Variants in SPATA13 observed in about 807,000 individuals in gnomAD.
SPATA13 encodes the protein spermatogenesis-associated protein 13.
SPATA13 carries 50 observed loss-of-function variants against 104.0 expected under a neutral mutation model. That is an observed-to-expected ratio of 0.48 (90% confidence interval 0.38 to 0.61). The LOEUF is 0.61. Ranked by LOEUF, SPATA13 falls within the 20% of genes least tolerant of loss-of-function variation. The pLI, the probability that SPATA13 is intolerant of heterozygous loss-of-function variation, is 0.00. For synonymous variants in SPATA13, 606 were observed against 667.5 expected (o/e 0.91, Z 1.42); for missense variants, 1,524 against 1,690.6 (o/e 0.90, Z 1.73).
At chr13:24,268,857 T>A (rs1477057201) in intron 4 of SPATA13, among the ~76,000 whole-genome samples, 1 of 152,198 alleles carries the variant, frequency 6.6e-6, no homozygotes, top group African/African-American at 2.4e-5. Flanking sequence ...TGCGGGTTAC[T>A]AAGGCTATGA....
At chr13:24,240,653 G>A (rs1872787429) in intron 2 of SPATA13, among the ~76,000 whole-genome samples, 1 of 152,090 alleles carries the variant, frequency 6.6e-6, no homozygotes. Flanking sequence ...TTTTTCTGAA[G>A]TACTAGTGTT....
chr13:24,103,771 A>G (rs1000284605), intron 3 of SPATA13, among the ~76,000 whole-genome samples: 3 of 152,124 alleles, frequency 2.0e-5, no homozygotes, highest in African/African-American at 7.2e-5. Flanking sequence ...TAGTGAGATA[A>G]GGTTTCCCTG....
chr13:23,992,290 G>C (rs766448594), intron 2 of SPATA13, among the ~76,000 whole-genome samples: 7 of 152,222 alleles, frequency 4.6e-5, no homozygotes, highest in Non-Finnish European at 2.9e-5. Flanking sequence ...TTAGGTCTCT[G>C]TGCTTCAGAG....
At chr13:24,010,851 C>G (rs1019426755) in intron 2 of SPATA13, among the ~76,000 whole-genome samples, 2 of 151,942 alleles carry the variant, frequency 1.3e-5, no homozygotes, top group Admixed American at 1.3e-4. Context: ...GCAAACCATT[C>G]CTAGAATCCA....
At chr13:24,265,065 C>T (rs1874233245) in intron 4 of SPATA13, among the ~76,000 whole-genome samples, 1 of 152,216 alleles carries the variant, frequency 6.6e-6, no homozygotes, top group South Asian at 2.1e-4. Context: ...TGAAGAGAGG[C>T]ACTTTTTCTT....
At chr13:24,224,766 T>C (rs1294108962) in intron 2 of SPATA13, 184 bp downstream of exon 2, 12 of 682,956 alleles carry the variant, frequency 1.8e-5, no homozygotes, top group Non-Finnish European at 3.2e-5. Context: ...AAGTAATCTC[T>C]ATCTCCTTTG....
At chr13:24,190,354 T>TA (rs1869645389) in intron 1 of SPATA13, among the ~76,000 whole-genome samples, 1 of 84,908 alleles carries the variant, frequency 1.2e-5, no homozygotes, top group African/African-American at 4.5e-5. Flanking sequence ...TATAATATTA[T>TA]ATATTATTAT....
At chr13:24,298,137 T>C (rs1876926804) in intron 11 of SPATA13, among the ~76,000 whole-genome samples, 1 of 152,134 alleles carries the variant, frequency 6.6e-6, no homozygotes, top group African/African-American at 2.4e-5. Context: ...ATGCAGGGTA[T>C]GAAGAATAAA....
intron 12 of SPATA13, among the ~76,000 whole-genome samples, chr13:24,301,687 C>T (rs1349632343): frequency 4.6e-5 from 7 of 152,222 alleles, no homozygotes; most frequent in Non-Finnish European, 8.8e-5. Flanking sequence ...GGGGCAGGGA[C>T]GGGTTCTGAG....
intron 3 of SPATA13, among the ~76,000 whole-genome samples, chr13:24,085,626 G>T (rs1879694082): frequency 6.6e-6 from 1 of 152,164 alleles, no homozygotes; most frequent in African/African-American, 2.4e-5. Flanking sequence ...TGTTGACTTT[G>T]CCTTTACCTG....
intron 1 of SPATA13, among the ~76,000 whole-genome samples, chr13:24,220,372 TATTC>T (rs1871509076): frequency 6.6e-6 from 1 of 151,942 alleles, no homozygotes; most frequent in African/African-American, 2.4e-5. Flanking sequence ...TTCTCTTCTG[TATTC>T]AGTGCGAGTC....
intron 3 of SPATA13, among the ~76,000 whole-genome samples, chr13:24,072,118 G>T (rs1351246587): frequency 6.6e-6 from 1 of 152,180 alleles, no homozygotes; most frequent in Non-Finnish European, 1.5e-5. Flanking sequence ...GAACACACAA[G>T]TACATGAGAG....
rs78398541 is a variant in SPATA13, at chr13:24,097,775, G to A, written c.-112+80074G>A. Among the ~76,000 whole-genome samples the A allele has an allele frequency of 8.8e-3, 1,338 of 152,290 alleles. 27 individuals carry two copies. Among genetic ancestry groups the A allele is most frequent in the African/African-American group, 0.03 (1,245 of 41,546 alleles). The stretch of plus-strand genomic sequence containing the variant: ...CCCAACATAGCCAAAGGTATGCACC[G>A]GAAAGCATGGTACAATTTGAGAACA... On this transcript the variant is annotated intron_variant, in intron 3 of 14. Transcript: ENST00000424834.
chr13:24,085,490 T>C (rs1373130440), intron 3 of SPATA13, among the ~76,000 whole-genome samples: 1 of 152,134 alleles, frequency 6.6e-6, no homozygotes, highest in Non-Finnish European at 1.5e-5. Context: ...CAGTGCCGTC[T>C]GGAAGCCCTG....
intron 3 of SPATA13, among the ~76,000 whole-genome samples, chr13:24,109,751 A>G (rs952530812): frequency 6.6e-6 from 1 of 152,096 alleles, no homozygotes; most frequent in Non-Finnish European, 1.5e-5. Context: ...ATAGACTGTA[A>G]TTCCCTTAAC....
intron 2 of SPATA13, among the ~76,000 whole-genome samples, chr13:24,248,348 G>C (rs1308340568): frequency 6.6e-6 from 1 of 152,236 alleles, no homozygotes; most frequent in Non-Finnish European, 1.5e-5. Flanking sequence ...CCAGATCACA[G>C]AAGTTAGGTG....
intron 1 of SPATA13, among the ~76,000 whole-genome samples, chr13:24,222,238 C>T (rs1464065580): frequency 1.3e-5 from 2 of 152,200 alleles, no homozygotes; most frequent in African/African-American, 4.8e-5. Context: ...TGAGTCCTTC[C>T]CGCCTGTGTC....
chr13:24,130,575 A>T (rs1465200781), intron 3 of SPATA13, among the ~76,000 whole-genome samples: 2 of 152,238 alleles, frequency 1.3e-5, no homozygotes, highest in Non-Finnish European at 2.9e-5. Context: ...GGCGTTTATC[A>T]GACAAGATCA....
chr13:23,979,973 A>C (rs1874798506), intron 1 of SPATA13: 1 of 152,098 alleles, frequency 6.6e-6, no homozygotes, highest in South Asian at 2.1e-4. Flanking sequence ...ACTTTTGGAG[A>C]AGGTAGAGCC....
Sources: allele counts gnomAD v4.1 joint callset (sites outside exome capture counted in the v4.1 genomes callset), GRCh38; gene constraint gnomAD v4.1.1; transcripts MANE v1.5; gene names NCBI Gene and HGNC (gene_info 2026-07-23, HGNC 2026-07-21).